BARD1: variants seen among roughly 807,000 people sequenced by gnomAD.
BARD1 encodes BRCA1 associated RING domain 1.
BARD1 carries 73 observed loss-of-function variants against 77.0 expected under a neutral mutation model. The observed-to-expected ratio is 0.95, with a 90% CI of 0.79 to 1.15. BARD1 has a LOEUF of 1.15. Among genes scored for constraint, BARD1 ranks in the 50% most tolerant of loss-of-function variants. The pLI, the probability that BARD1 is intolerant of heterozygous loss-of-function variation, is 0.00. For missense variants in BARD1, 993 were observed against 938.8 expected, an observed-to-expected ratio of 1.06 and a Z score of -0.75; for synonymous variants, 384 against 338.0, an observed-to-expected ratio of 1.14 and a Z score of -1.49.
At chr2:214,749,618 A>G (rs1693306389) in intron 7 of BARD1, among the ~76,000 whole-genome samples, 1 of 152,166 alleles carries the variant, frequency 6.6e-6, no homozygotes, top group Non-Finnish European at 1.5e-5. Flanking sequence ...AAGGAACATC[A>G]GCAAAGGACA....
At position 214,792,298 on chromosome 2, in the gene BARD1, T is replaced by C. The variant is rs1553624704; in HGVS notation, c.363A>G (p.Ser121=). Residue 121 remains serine (S), a splice_region_variant and synonymous_variant, in exon 3 of 11, where the codon TCA becomes TCG. Coordinates refer to ENST00000260947, the MANE Select transcript of BARD1 (RefSeq NM_000465.4). ...AAGAGAGATAGGGATAGTTCTTACC[T>C]GACAGCTCATTGTCATGTAGCAAAT... ...LRNLLHDNEL[S]DLKEDKPRKS... 1.2e-6 allele frequency: 2 copies of C among 1,613,344 alleles called. No individual in the cohort carries two copies. The highest frequency in any genetic ancestry group is 1.7e-6 in the Non-Finnish European group (2 of 1,179,624).
intron 9 of BARD1, 58 bp downstream of exon 9, chr2:214,745,009 C>T: frequency 7.1e-7 from 1 of 1,410,780 alleles, no homozygotes. Context: ...GCATTAATAA[C>T]CATGAAAAAC....
At chr2:214,729,372 C>T (rs761788396) in intron 10 of BARD1, among the ~76,000 whole-genome samples, 7 of 152,204 alleles carry the variant, frequency 4.6e-5, no homozygotes, top group Non-Finnish European at 8.8e-5. Flanking sequence ...CTTGTGGCAT[C>T]ATGTCAAAGC....
chr2:214,738,191 C>T lies in BARD1; in HGVS notation c.1903+6876G>A, dbSNP rs1010229812. Among the ~76,000 whole-genome samples, 7 of 152,150 alleles carry T rather than the reference C, an allele frequency of 4.6e-5. No homozygotes were observed. The East Asian group carries it at 5.8e-4, about 13-fold the overall frequency. On this transcript the variant is annotated intron_variant, in intron 9 of 10. Coordinates refer to ENST00000260947, the MANE Select transcript of BARD1 (RefSeq NM_000465.4). The stretch of plus-strand genomic sequence containing the variant: ...AAGGTTTTGACTGAAGCTATCACTT[C>T]GCAGAAACAAACGGATGAACTACTT...
intron 4 of BARD1, among the ~76,000 whole-genome samples, chr2:214,779,372 T>C (rs977663413): frequency 2.0e-5 from 3 of 152,190 alleles, no homozygotes; most frequent in Admixed American, 1.3e-4. Context: ...ATGTAGATAG[T>C]TGTTATACGA....
rs192967853 is a variant in BARD1, at chr2:214,745,623, A to G, written c.1810+99T>C. Reference sequence around the variant, plus strand: ...GATGCAAAGTATACAGCCATCTCCCAATGGTTAAAACATATGTAAATTATC... The same window carrying G: ...GATGCAAAGTATACAGCCATCTCCCGATGGTTAAAACATATGTAAATTATC... On this transcript the variant is annotated intron_variant, in intron 8 of 10. Transcript: ENST00000260947. 2.7e-4 allele frequency: 397 copies of G among 1,472,886 alleles called. No homozygotes were observed. The African/African-American group carries it at 4.9e-3, about 18-fold the overall frequency. 91.2% of individuals were successfully genotyped at this position (1,472,886 alleles called of 1,614,324 possible). A position where few individuals can be genotyped will look rare whatever the true frequency, so the allele number is the denominator to read the frequency against.
intron 6 of BARD1, among the ~76,000 whole-genome samples, chr2:214,756,809 G>T (rs1693714832): frequency 6.6e-6 from 1 of 152,082 alleles, no homozygotes; most frequent in Admixed American, 6.5e-5. Flanking sequence ...TGACACAACA[G>T]ACTTCACGGA....
chr2:214,770,498 C>A (rs975704787), intron 4 of BARD1, among the ~76,000 whole-genome samples: 1 of 152,124 alleles, frequency 6.6e-6, no homozygotes, highest in Non-Finnish European at 1.5e-5. Context: ...ATCAGATGAG[C>A]AAGATCCGGG....
At chr2:214,746,663 T>C (rs943665662) in intron 7 of BARD1, among the ~76,000 whole-genome samples, 3 of 152,176 alleles carry the variant, frequency 2.0e-5, no homozygotes, top group African/African-American at 7.2e-5. Context: ...AGCTCATCTT[T>C]CCTAGTCACT....
intron 9 of BARD1, among the ~76,000 whole-genome samples, chr2:214,742,952 T>C (rs571749380): frequency 2.6e-5 from 4 of 152,322 alleles, no homozygotes; most frequent in African/African-American, 9.6e-5. Flanking sequence ...TTTAAATGAA[T>C]TTTTTAAACA....
intron 4 of BARD1, among the ~76,000 whole-genome samples, chr2:214,775,003 T>G (rs1244830933): frequency 1.3e-5 from 2 of 152,060 alleles, no homozygotes; most frequent in African/African-American, 4.8e-5. Context: ...TGCTCTGGAG[T>G]AGGGTTTTGC....
intron 1 of BARD1, among the ~76,000 whole-genome samples, chr2:214,803,069 T>A (rs1204377472): frequency 2.0e-5 from 3 of 151,890 alleles, no homozygotes; most frequent in Non-Finnish European, 2.9e-5. Flanking sequence ...AAACTCAGGG[T>A]TAAATGGATT....
intron 10 of BARD1, 86 bp downstream of exon 10, chr2:214,730,325 G>T: frequency 1.7e-6 from 2 of 1,195,018 alleles, no homozygotes; most frequent in Non-Finnish European, 2.5e-6. Context: ...ACCTGTAGCT[G>T]TTGAAAGGGC....
At chr2:214,801,995 A>C (rs1696046940) in intron 1 of BARD1, among the ~76,000 whole-genome samples, 1 of 152,108 alleles carries the variant, frequency 6.6e-6, no homozygotes, top group African/African-American at 2.4e-5. Flanking sequence ...CATAGCTGAG[A>C]CTACAGGTGC....
At chr2:214,754,254 T>C (rs1002595421) in intron 6 of BARD1, among the ~76,000 whole-genome samples, 2 of 151,134 alleles carry the variant, frequency 1.3e-5, no homozygotes, top group African/African-American at 4.9e-5. Context: ...GGCCACATTA[T>C]ATGCCATCCA....
chr2:214,782,685 T>A lies in BARD1; in HGVS notation c.365-1176A>T, dbSNP rs139533746. Among the ~76,000 whole-genome samples, 315 of 152,138 alleles carry A rather than the reference T, an allele frequency of 2.1e-3. 1 individual carries two copies. The highest frequency in any genetic ancestry group is 1.9e-3 in the Non-Finnish European group (126 of 67,966). On this transcript the variant is annotated intron_variant, in intron 3 of 10. Transcript: ENST00000260947. ...CACTCACCTGCTACTTTAATTAAGG[T>A]CATCAAGGAAGGCATCAAGGAGAAG... is the stretch of plus-strand genomic sequence containing the variant.
At chr2:214,798,350 AAT>A (rs1262882024) in intron 1 of BARD1, among the ~76,000 whole-genome samples, 1 of 152,100 alleles carries the variant, frequency 6.6e-6, no homozygotes, top group East Asian at 1.9e-4. Flanking sequence ...TACAGATAAA[AAT>A]ATGACTTGTG....
chr2:214,792,489 A>G (rs2106135960), intron 2 of BARD1, 44 bp from the exon 3 acceptor site: 4 of 1,504,432 alleles, frequency 2.7e-6, no homozygotes, highest in East Asian at 2.5e-5. Context: ...CCCATTCAGC[A>G]GAATTTAATT....
chr2:214,751,382 C>CA (rs1693445124), intron 7 of BARD1, among the ~76,000 whole-genome samples: 1 of 151,004 alleles, frequency 6.6e-6, no homozygotes, highest in African/African-American at 2.4e-5. Flanking sequence ...AAGCAGGTCT[C>CA]AGACTCCTGA....
Sources: allele counts gnomAD v4.1 joint callset (sites outside exome capture counted in the v4.1 genomes callset), GRCh38; gene constraint gnomAD v4.1.1; transcripts MANE v1.5; gene names NCBI Gene and HGNC (gene_info 2026-07-23, HGNC 2026-07-21).